SGTB: variants seen among roughly 807,000 people sequenced by gnomAD.
The protein encoded by SGTB is small glutamine-rich tetratricopeptide repeat-containing protein beta.
In SGTB, 19 loss-of-function variants were observed where a neutral mutation model predicts 43.9. The ratio of observed to expected loss-of-function variants is 0.43; its 90% confidence interval spans 0.30 to 0.63. SGTB has a LOEUF of 0.63. SGTB is among the 30% of genes least tolerant of loss of function. The probability of loss-of-function intolerance (pLI) is 0.12; values close to 1 mark genes in which losing one functional copy is unlikely to be tolerated. For missense variants in SGTB, 304 were observed against 358.9 expected, an observed-to-expected ratio of 0.85 and a Z score of 1.24; for synonymous variants, 116 against 117.3, an observed-to-expected ratio of 0.99 and a Z score of 0.07.
In SGTB at chr5:65,668,264, T is replaced by C. The variant is rs1757081316; in HGVS notation, c.*1982A>G. On this transcript the variant is annotated 3_prime_UTR_variant, in exon 11 of 11. Coordinates refer to ENST00000381007, the MANE Select transcript of SGTB (RefSeq NM_019072.3). Reference sequence around the variant, plus strand: ...CACAGCGCCCGGCCAATTAGTCTTTTGATAAGGGTTCTATAAGGCCTAATC... The same window carrying C: ...CACAGCGCCCGGCCAATTAGTCTTTCGATAAGGGTTCTATAAGGCCTAATC... The C allele has an allele frequency of 6.6e-6, 1 of 152,110 alleles. No individual in the cohort carries two copies. Among genetic ancestry groups the C allele is most frequent in the Non-Finnish European group, 1.5e-5 (1 of 68,152 alleles). 9.4% of individuals were successfully genotyped at this position (152,110 alleles called of 1,614,324 possible).
At chr5:65,685,214 C>A (rs1235929076) in intron 6 of SGTB, among the ~76,000 whole-genome samples, 154 bp downstream of exon 6, 2 of 152,174 alleles carry the variant, frequency 1.3e-5, no homozygotes, top group African/African-American at 4.8e-5. Context: ...ACTTCCTAGT[C>A]AAAGAAATTG....
At chr5:65,707,211 C>T (rs1238485413) in intron 4 of SGTB, among the ~76,000 whole-genome samples, 2 of 151,326 alleles carry the variant, frequency 1.3e-5, no homozygotes, top group African/African-American at 2.4e-5. Context: ...TGCAGTGAGC[C>T]GAGATCCTGC....
chr5:65,674,520 G>C (rs1482044795), intron 8 of SGTB, among the ~76,000 whole-genome samples: 1 of 152,196 alleles, frequency 6.6e-6, no homozygotes, highest in Non-Finnish European at 1.5e-5. Context: ...TACCAGAAAA[G>C]CCCTTTCTCA....
In SGTB at chr5:65,680,576, G is replaced by C; in HGVS notation, c.619-20C>G. ...TCCTGTCTGTAAAACAATTATATCT[G>C]AGAATCAGTCCAGTATCTACAATTA... On this transcript the variant is annotated intron_variant, in intron 7 of 10. Coordinates refer to ENST00000381007, the MANE Select transcript of SGTB (RefSeq NM_019072.3). The C allele has an allele frequency of 6.2e-7, 1 of 1,614,014 alleles. No homozygotes were observed. Among genetic ancestry groups the C allele is most frequent in the Non-Finnish European group, 8.5e-7 (1 of 1,179,976 alleles).
chr5:65,722,476 G>T, upstream of SGTB: 2 of 1,445,164 alleles, frequency 1.4e-6, no homozygotes, highest in Non-Finnish European at 1.9e-6. Flanking sequence ...GCCGTGTGGT[G>T]CCTGGAGCCC....
Position 65,666,449 on chromosome 5 carries a change from GCTA to G in SGTB, c.*3794_*3796del, listed in dbSNP as rs993427964. The stretch of plus-strand genomic sequence containing the variant: ...TTTACACAGTATCATAATAGCTACA[GCTA>G]CTACAAGAAATATGGTTAATGGAAG... On this transcript the variant is annotated 3_prime_UTR_variant, in exon 11 of 11. Transcript: ENST00000381007. 2 of 152,240 alleles carry G rather than the reference GCTA, an allele frequency of 1.3e-5. No individual in the cohort carries two copies. The highest frequency in any genetic ancestry group is 3.9e-4 in the East Asian group (2 of 5,188). 9.4% of individuals were successfully genotyped at this position (152,240 alleles called of 1,614,324 possible). A position where few individuals can be genotyped will look rare whatever the true frequency, so the allele number is the denominator to read the frequency against.
At chr5:65,670,415 C>A in intron 10 of SGTB, 58 bp from the exon 11 acceptor site, 1 of 1,429,658 alleles carries the variant, frequency 7.0e-7, no homozygotes, top group Admixed American at 1.8e-5. Context: ...TTTACCCACG[C>A]AAAAAGAAAT....
chr5:65,704,333 C>A lies in SGTB; in HGVS notation c.320G>T (p.Cys107Phe). The A allele has an allele frequency of 6.2e-7, 1 of 1,612,722 alleles. No homozygotes were observed. Among genetic ancestry groups the A allele is most frequent in the Non-Finnish European group, 8.5e-7 (1 of 1,179,382 alleles). ...ATCCAATTCTATTGCCTGTGTGTAA[C>A]AATCCACTGCAGCAGCATAATTTTC... is the stretch of plus-strand genomic sequence containing the variant. ...KEENYAAAVD[C>F]YTQAIELDPN... Residue 107 changes from cysteine to phenylalanine, a missense_variant, in exon 5 of 11, where the codon TGT (cysteine) becomes TTT (phenylalanine). Transcript: ENST00000381007.
intron 5 of SGTB, among the ~76,000 whole-genome samples, chr5:65,701,165 A>C (rs1437477615): frequency 6.6e-6 from 1 of 152,144 alleles, no homozygotes; most frequent in Non-Finnish European, 1.5e-5. Context: ...CCACAAAAGA[A>C]AAGGTAGGGG....
At chr5:65,709,668 C>T (rs373131567) in intron 3 of SGTB, among the ~76,000 whole-genome samples, 2 of 152,124 alleles carry the variant, frequency 1.3e-5, no homozygotes, top group Admixed American at 6.5e-5. Context: ...TGAGCCACTG[C>T]GCCCGGCCGT....
rs529968027 is a variant in SGTB at position 65,671,550 on chromosome 5, C to T, written c.803+365G>A. 4.0e-5 allele frequency among the ~76,000 whole-genome samples: 6 copies of T among 151,534 alleles called. No homozygotes were observed. In the South Asian group the frequency reaches 6.2e-4, roughly 16 times the overall value. ...CTACTTTTCTAATATCTGTCCCTCA[C>T]CTGCCTTATTGAGATGGTGCCAAAA... On this transcript the variant is annotated intron_variant, in intron 10 of 10. Transcript: ENST00000381007.
chr5:65,674,136 G>T lies in SGTB; in HGVS notation c.682-1855C>A, dbSNP rs1451851982. ...CATTGGTGCTTTTTGAGTTTGCAAGGTATTCAAAAACTACTGTGGTTCTCT... is the reference window on the plus strand; with the variant it reads ...CATTGGTGCTTTTTGAGTTTGCAAGTTATTCAAAAACTACTGTGGTTCTCT... On this transcript the variant is annotated intron_variant, in intron 8 of 10. Coordinates refer to ENST00000381007, the MANE Select transcript of SGTB (RefSeq NM_019072.3). Among the ~76,000 whole-genome samples the T allele has an allele frequency of 2.6e-5, 4 of 152,124 alleles. No individual in the cohort carries two copies. In the East Asian group the frequency reaches 5.8e-4, roughly 22 times the overall value.
At chr5:65,712,645 C>T (rs1451263145) in intron 3 of SGTB, among the ~76,000 whole-genome samples, 2 of 151,382 alleles carry the variant, frequency 1.3e-5, no homozygotes, top group East Asian at 3.9e-4. Flanking sequence ...TGCTGGAAAC[C>T]AAAAAATACT....
At chr5:65,719,814 G>A (rs890944231) in intron 2 of SGTB, among the ~76,000 whole-genome samples, 2 of 152,146 alleles carry the variant, frequency 1.3e-5, no homozygotes, top group Admixed American at 6.5e-5. Flanking sequence ...CAATATTAAA[G>A]TTAACGTAAA....
chr5:65,695,606 A>T (rs1438158136), intron 5 of SGTB, among the ~76,000 whole-genome samples: 2 of 152,214 alleles, frequency 1.3e-5, no homozygotes, highest in Non-Finnish European at 2.9e-5. Context: ...TCAGAGTCAC[A>T]TGTTTCCAGG....
upstream of SGTB, chr5:65,722,639 G>T (rs1302934658): frequency 1.9e-6 from 1 of 526,916 alleles, no homozygotes; most frequent in Non-Finnish European, 3.3e-6. Flanking sequence ...ATTCCTCTTT[G>T]TTTGGGACTG....
intron 3 of SGTB, among the ~76,000 whole-genome samples, chr5:65,711,845 A>G (rs1327304729): frequency 6.6e-6 from 1 of 152,206 alleles, no homozygotes; most frequent in East Asian, 1.9e-4. Context: ...TCCAGACTTA[A>G]GTGTGTAAGA....
intron 4 of SGTB, among the ~76,000 whole-genome samples, chr5:65,706,984 G>C (rs1681099981): frequency 6.6e-6 from 1 of 152,122 alleles, no homozygotes; most frequent in Non-Finnish European, 1.5e-5. Context: ...ATATAGGCCA[G>C]GCGTGGTGGC....
intron 5 of SGTB, among the ~76,000 whole-genome samples, chr5:65,692,464 G>T (rs898516050): frequency 1.6e-4 from 25 of 152,044 alleles, no homozygotes; most frequent in African/African-American, 6.0e-4. Flanking sequence ...GCAATAAGTG[G>T]TACACATAAT....
Sources: gnomAD v4.1 joint callset for allele counts (sites outside exome capture counted in the v4.1 genomes callset) on GRCh38, gnomAD v4.1.1 for gene constraint, MANE v1.5 for transcripts, NCBI Gene and HGNC (gene_info 2026-07-23, HGNC 2026-07-21) for gene names.